The following PHF21A variants were observed in gnomAD, a reference collection of about 807,000 sequenced individuals.
PHF21A encodes BHC80a.
In PHF21A, 11 loss-of-function variants were observed where a neutral mutation model predicts 82.5. The ratio of observed to expected loss-of-function variants is 0.13; its 90% CI spans 0.08 to 0.22. The LOEUF (loss-of-function observed/expected upper bound fraction) is 0.22, where lower values mean the gene tolerates loss of function less well. PHF21A is among the 10% of genes least tolerant of loss of function. PHF21A has a pLI of 1.00. For missense variants in PHF21A, 579 were observed against 837.8 expected, an observed-to-expected ratio of 0.69 and a Z score of 3.81; for synonymous variants, 297 against 302.8, an observed-to-expected ratio of 0.98 and a Z score of 0.20.
At position 46,036,236 on chromosome 11, in the gene PHF21A, A is replaced by G. The variant is rs77589058; in HGVS notation, c.153+40518T>C. ...TTTTTTATTGTGGTAGACTGTGGTA[A>G]AATTTACAGTCATAAGTAACATAAC... On this transcript the variant is annotated intron_variant, in intron 6 of 18. Coordinates refer to ENST00000676320, the MANE Select transcript of PHF21A (RefSeq NM_001352027.3). 1.6e-3 allele frequency among the ~76,000 whole-genome samples: 250 copies of G among 152,292 alleles called. 1 individual carries two copies. The highest frequency in any genetic ancestry group is 5.7e-3 in the African/African-American group (236 of 41,570).
chr11:45,951,430 G>C (rs993905455), intron 11 of PHF21A, among the ~76,000 whole-genome samples: 1 of 152,166 alleles, frequency 6.6e-6, no homozygotes, highest in Non-Finnish European at 1.5e-5. Context: ...CTGAAGAAAT[G>C]TTTTTATATT....
At chr11:46,095,723 G>A (rs550473142) in intron 1 of PHF21A, among the ~76,000 whole-genome samples, 7 of 151,910 alleles carry the variant, frequency 4.6e-5, no homozygotes, top group East Asian at 3.9e-4. Context: ...AAACCCTTGC[G>A]ATATGAAGAA....
intron 6 of PHF21A, among the ~76,000 whole-genome samples, chr11:46,022,970 C>T (rs901883827): frequency 1.3e-5 from 2 of 152,008 alleles, no homozygotes; most frequent in South Asian, 2.1e-4. Context: ...AGGCTGGTCT[C>T]GAACTCCTGA....
intron 15 of PHF21A, 146 bp downstream of exon 15, chr11:45,945,694 A>G: frequency 1.6e-6 from 1 of 631,904 alleles, no homozygotes; most frequent in Non-Finnish European, 2.6e-6. Flanking sequence ...AAGCTGCCTT[A>G]CATGGCATAA....
At chr11:46,063,703 G>A (rs1427526204) in intron 6 of PHF21A, among the ~76,000 whole-genome samples, 2 of 152,102 alleles carry the variant, frequency 1.3e-5, no homozygotes, top group South Asian at 2.1e-4. Flanking sequence ...TAAGAGCTAG[G>A]GGAAGGGAAG....
intron 2 of PHF21A, among the ~76,000 whole-genome samples, chr11:46,091,436 A>G (rs575688055): frequency 3.5e-4 from 54 of 152,316 alleles, no homozygotes; most frequent in Non-Finnish European, 6.3e-4. Flanking sequence ...CTCAAAGTAG[A>G]TATTAGGAAA....
At chr11:46,060,650 C>T (rs1000017605) in intron 6 of PHF21A, among the ~76,000 whole-genome samples, 1 of 152,168 alleles carries the variant, frequency 6.6e-6, no homozygotes, top group African/African-American at 2.4e-5. Context: ...GTGTCCTTTG[C>T]CCACTTTGTA....
chr11:45,981,090 A>G (rs754848115), intron 6 of PHF21A, among the ~76,000 whole-genome samples: 10 of 152,096 alleles, frequency 6.6e-5, no homozygotes, highest in African/African-American at 9.7e-5. Flanking sequence ...CTCTGCACTT[A>G]TAACTATATT....
chr11:46,080,481 T>TA (rs918940831), intron 4 of PHF21A, among the ~76,000 whole-genome samples: 2 of 152,042 alleles, frequency 1.3e-5, no homozygotes, highest in African/African-American at 4.8e-5. Context: ...AAAAAAAATT[T>TA]AAAAATCAAG....
intron 6 of PHF21A, among the ~76,000 whole-genome samples, chr11:46,006,933 G>T (rs894420308): frequency 3.9e-5 from 6 of 152,162 alleles, no homozygotes; most frequent in Admixed American, 3.9e-4. Flanking sequence ...ACAACAGTCA[G>T]TAAAATTTAA....
intron 1 of PHF21A, among the ~76,000 whole-genome samples, chr11:46,113,148 A>G (rs1010256161): frequency 3.3e-5 from 5 of 152,236 alleles, no homozygotes; most frequent in African/African-American, 1.2e-4. Context: ...TACAGGTCCC[A>G]GCATGCAGTG....
intron 3 of PHF21A, among the ~76,000 whole-genome samples, chr11:46,085,124 T>C (rs570506298): frequency 3.3e-5 from 5 of 152,264 alleles, no homozygotes; most frequent in Admixed American, 2.6e-4. Flanking sequence ...GAAATTCTGG[T>C]ATAACTTAAA....
At chr11:45,948,993 T>A (rs1283909767) in intron 13 of PHF21A, 47 bp from the exon 14 acceptor site, 12 of 1,424,568 alleles carry the variant, frequency 8.4e-6, no homozygotes, top group Non-Finnish European at 1.2e-5. Flanking sequence ...AGTGTGGTTA[T>A]TACTAATACT....
chr11:45,935,360 G>T, intron 18 of PHF21A: 2 of 860,556 alleles, frequency 2.3e-6, no homozygotes, highest in Non-Finnish European at 1.7e-6. Flanking sequence ...CACTGTTGTA[G>T]CTGTTACTTA....
At chr11:45,954,800 A>G (rs969851379) in intron 10 of PHF21A, among the ~76,000 whole-genome samples, 3 of 152,250 alleles carry the variant, frequency 2.0e-5, no homozygotes, top group African/African-American at 7.2e-5. Context: ...ATATGGCAAC[A>G]ATAATTAAAT....
intron 6 of PHF21A, among the ~76,000 whole-genome samples, chr11:46,050,891 C>A (rs1162902090): frequency 6.6e-6 from 1 of 152,176 alleles, no homozygotes; most frequent in Non-Finnish European, 1.5e-5. Context: ...AGAGAGGCAG[C>A]TGCTGGATTA....
chr11:46,045,266 GTTTA>G (rs1441082615), intron 6 of PHF21A, among the ~76,000 whole-genome samples: 2 of 152,134 alleles, frequency 1.3e-5, no homozygotes, highest in Non-Finnish European at 2.9e-5. Flanking sequence ...TACCATGTGT[GTTTA>G]TTTCTTTTTC....
intron 6 of PHF21A, among the ~76,000 whole-genome samples, chr11:46,016,570 C>T (rs562103494): frequency 6.6e-6 from 1 of 152,258 alleles, no homozygotes; most frequent in Non-Finnish European, 1.5e-5. Flanking sequence ...CCCTAATCCC[C>T]TACTCAGGAT....
At chr11:46,084,381 A>G (rs1309421205) in intron 3 of PHF21A, 79 bp from the exon 4 acceptor site, 1 of 513,120 alleles carries the variant, frequency 1.9e-6, no homozygotes, top group African/African-American at 2.0e-5. Context: ...TATGTTAGTA[A>G]AAGAATATCT....
Sources: gnomAD v4.1 joint callset for allele counts (sites outside exome capture counted in the v4.1 genomes callset) on GRCh38, gnomAD v4.1.1 for gene constraint, MANE v1.5 for transcripts, NCBI Gene and HGNC (gene_info 2026-07-23, HGNC 2026-07-21) for gene names.